RSF1: variants seen among roughly 807,000 people sequenced by gnomAD.
RSF1 encodes the protein HBV pX-associated protein 8.
Under a neutral mutation model 145.2 loss-of-function variants are expected in RSF1, and 13 were observed. That is an observed-to-expected ratio of 0.09 (90% CI 0.06 to 0.14). The LOEUF is 0.14. Ranked by LOEUF, RSF1 falls within the 10% of genes least tolerant of loss-of-function variation. RSF1 has a pLI of 1.00. For synonymous variants in RSF1, 577 were observed against 592.6 expected, an observed-to-expected ratio of 0.97 and a Z score of 0.38; for missense variants, 1,517 against 1,718.2, an observed-to-expected ratio of 0.88 and a Z score of 2.07.
intron 2 of RSF1, among the ~76,000 whole-genome samples, chr11:77,749,295 T>C (rs1310566163): frequency 6.6e-6 from 1 of 152,156 alleles, no homozygotes; most frequent in Non-Finnish European, 1.5e-5. Context: ...ACGGTAAATT[T>C]TCTGGTATGT....
In RSF1 at chr11:77,667,307, G is replaced by T; in HGVS notation, c.3936C>A (p.Asp1312Glu). The change falls in exon 16 of 16, where the codon GAC becomes GAA. Residue 1312 changes from aspartate (D) to glutamate (E), a missense_variant. Physicochemically the swap from Asp to Glu is conservative, Grantham distance 45. This residue lies in a region of RSF1 where 240 missense variants were observed against 231.8 expected (regional missense o/e 1.04). Coordinates refer to ENST00000308488, the MANE Select transcript of RSF1 (RefSeq NM_016578.4). Reference protein sequence around the residue: ...RIETDEEESCDNAHGDANQPA... With the variant: ...RIETDEEESCENAHGDANQPA... ...GCTGATTTGCATCTCCATGAGCATT[G>T]TCACAACTCTCCTCCTCATCCGTCT... The T allele has an allele frequency of 5.0e-6, 8 of 1,614,114 alleles. No homozygotes were observed. The highest frequency in any genetic ancestry group is 6.8e-6 in the Non-Finnish European group (8 of 1,180,030).
intron 14 of RSF1, among the ~76,000 whole-genome samples, chr11:77,673,997 T>C (rs1348522388): frequency 6.6e-6 from 1 of 152,170 alleles, no homozygotes; most frequent in Non-Finnish European, 1.5e-5. Flanking sequence ...AAAAAAAAGA[T>C]ATAAAGAATA....
chr11:77,681,293 T>C (rs925349431), intron 11 of RSF1, among the ~76,000 whole-genome samples: 1 of 152,238 alleles, frequency 6.6e-6, no homozygotes, highest in Non-Finnish European at 1.5e-5. Context: ...TCATATAAAA[T>C]GTATTGTGTA....
At chr11:77,802,481 T>C (rs1225293844) in intron 1 of RSF1, among the ~76,000 whole-genome samples, 1 of 152,216 alleles carries the variant, frequency 6.6e-6, no homozygotes, top group Non-Finnish European at 1.5e-5. Flanking sequence ...AAATTTGGTG[T>C]CAGAGTATTC....
intron 5 of RSF1, among the ~76,000 whole-genome samples, chr11:77,706,242 A>G (rs1960547655): frequency 6.9e-6 from 1 of 145,932 alleles, no homozygotes; most frequent in Admixed American, 7.0e-5. Flanking sequence ...TCTGTCTCCA[A>G]AAAAAAAAAA....
chr11:77,745,504 T>C (rs1221388159), intron 3 of RSF1, among the ~76,000 whole-genome samples: 1 of 140,896 alleles, frequency 7.1e-6, no homozygotes, highest in Non-Finnish European at 1.5e-5. Context: ...AAAATTTCCT[T>C]TTGGATTTTT....
the RSF1 span, among the ~76,000 whole-genome samples, chr11:77,826,964 G>A: frequency 6.6e-6 from 1 of 152,128 alleles, no homozygotes; most frequent in African/African-American, 2.4e-5. Flanking sequence ...AATTAGCCGG[G>A]TGTGGTGGCA....
At position 77,744,135 on chromosome 11, in the gene RSF1, T is replaced by A. The variant is rs539787588; in HGVS notation, c.372+2901A>T. On this transcript the variant is annotated intron_variant, in intron 3 of 15. Coordinates refer to ENST00000308488, the MANE Select transcript of RSF1 (RefSeq NM_016578.4). ...CCTCTGCCTCCCGAGCTCAAGCAAT[T>A]CTCTTGCCTCAGCCTCCCTAGTAGT... Among the ~76,000 whole-genome samples, 8 of 152,104 alleles carry A rather than the reference T, an allele frequency of 5.3e-5. 1 individual carries two copies. In the East Asian group the frequency reaches 1.2e-3, roughly 22 times the overall value.
intron 5 of RSF1, among the ~76,000 whole-genome samples, chr11:77,709,940 C>T (rs1002213438): frequency 2.6e-5 from 4 of 152,080 alleles, no homozygotes; most frequent in African/African-American, 9.7e-5. Context: ...TTATAACTTA[C>T]TTTAAAATTT....
At chr11:77,797,007 A>T (rs1156893037) in intron 1 of RSF1, among the ~76,000 whole-genome samples, 4 of 152,254 alleles carry the variant, frequency 2.6e-5, no homozygotes, top group African/African-American at 9.6e-5. Flanking sequence ...AGGCAATAAG[A>T]GAGGACACAA....
chr11:77,674,537 G>T (rs1959639925), intron 14 of RSF1, among the ~76,000 whole-genome samples: 1 of 152,172 alleles, frequency 6.6e-6, no homozygotes, highest in Non-Finnish European at 1.5e-5. Context: ...TTTAGGAGTG[G>T]AAACATTTGA....
At chr11:77,840,106 A>G in the RSF1 span, among the ~76,000 whole-genome samples, 341 of 152,172 alleles carry the variant, frequency 2.2e-3, 2 homozygotes, top group Admixed American at 9.0e-3. Flanking sequence ...AAACACACAC[A>G]CACACACACA....
chr11:77,738,084 G>A (rs541193439), intron 4 of RSF1, among the ~76,000 whole-genome samples: 15 of 152,308 alleles, frequency 9.8e-5, no homozygotes, highest in Admixed American at 7.8e-4. Context: ...AGCCAAGATC[G>A]CGCCACTGCA....
intron 7 of RSF1, among the ~76,000 whole-genome samples, chr11:77,695,750 T>A (rs1960263423): frequency 6.6e-6 from 1 of 152,218 alleles, no homozygotes; most frequent in South Asian, 2.1e-4. Flanking sequence ...GAAAGCTCAC[T>A]GCTACTGGCA....
At chr11:77,850,092 G>A in the RSF1 span, among the ~76,000 whole-genome samples, 1 of 152,180 alleles carries the variant, frequency 6.6e-6, no homozygotes, top group Admixed American at 6.6e-5. Flanking sequence ...CATTATAAAT[G>A]TCATTAAACA....
intron 3 of RSF1, among the ~76,000 whole-genome samples, chr11:77,741,506 A>G (rs1947938425): frequency 6.6e-6 from 1 of 152,148 alleles, no homozygotes; most frequent in Admixed American, 6.5e-5. Flanking sequence ...CTTGGGCAAC[A>G]GAGCAAGACC....
At chr11:77,872,231 C>T in the RSF1 span, 8 of 1,613,922 alleles carry the variant, frequency 5.0e-6, no homozygotes, top group South Asian at 1.1e-5. Context: ...TGCGGGTCCT[C>T]CAGACAGAGC....
intron 11 of RSF1, among the ~76,000 whole-genome samples, 196 bp from the exon 12 acceptor site, chr11:77,678,349 TG>T (rs1424340516): frequency 6.6e-6 from 1 of 152,110 alleles, no homozygotes; most frequent in East Asian, 1.9e-4. Context: ...CCCGAGTAGC[TG>T]GGACTACAGA....
At chr11:77,711,338 G>A (rs976155456) in intron 5 of RSF1, among the ~76,000 whole-genome samples, 15 of 152,002 alleles carry the variant, frequency 9.9e-5, no homozygotes, top group African/African-American at 3.6e-4. Flanking sequence ...TAACAATACT[G>A]ATACCATTAC....
Sources: gnomAD v4.1 joint callset for allele counts (sites outside exome capture counted in the v4.1 genomes callset) on GRCh38, gnomAD v4.1.1 for gene constraint, gnomAD v4.1.1 regional missense constraint, MANE v1.5 for transcripts, NCBI Gene and HGNC (gene_info 2026-07-23, HGNC 2026-07-21) for gene names.